The following TNFRSF10A variants were observed in gnomAD, a reference collection of about 807,000 sequenced individuals.
TNFRSF10A encodes TNF receptor superfamily member 10a.
TNFRSF10A carries 44 observed loss-of-function variants against 42.8 expected under a neutral mutation model. The ratio of observed to expected loss-of-function variants is 1.03; its 90% CI spans 0.81 to 1.32. TNFRSF10A has a LOEUF of 1.32. Ranked by LOEUF, TNFRSF10A falls within the 40% of genes most tolerant of loss-of-function variation. The pLI, the probability that TNFRSF10A is intolerant of heterozygous loss-of-function variation, is 0.00. For missense variants in TNFRSF10A, 680 were observed against 602.0 expected (o/e 1.13, Z -1.36); for synonymous variants, 259 against 234.2 (o/e 1.11, Z -0.97).
rs774203881 is a variant in TNFRSF10A, at chr8:23,202,727, G to C, written c.438C>G (p.Asn146Lys). ...TGTAACCCACACCCTCTGTGCACCG[G>C]TTACAGGCTCCAGGATGTTCTGATC... ...SHRSEHPGAC[N>K]RCTEGVGYTN... The change falls in exon 3 of 10, where the codon AAC (asparagine) becomes AAG (lysine). Residue 146 changes from asparagine to lysine, a missense_variant. By Grantham distance (94) the Asn-to-Lys change is moderately conservative (BLOSUM62 0). Transcript: ENST00000221132. 3 of 1,613,976 alleles carry C rather than the reference G, an allele frequency of 1.9e-6. No homozygotes were observed. The highest frequency in any genetic ancestry group is 2.5e-6 in the Non-Finnish European group (3 of 1,179,894).
At chr8:23,197,613 T>C (rs1800844426) in intron 8 of TNFRSF10A, among the ~76,000 whole-genome samples, 3 of 152,200 alleles carry the variant, frequency 2.0e-5, no homozygotes, top group Non-Finnish European at 1.5e-5. Context: ...GTTGTATAAT[T>C]ATTTCATTAT....
At chr8:23,206,828 A>G (rs1221094759) in intron 2 of TNFRSF10A, 1 of 160,950 alleles carries the variant, frequency 6.2e-6, no homozygotes, top group African/African-American at 2.4e-5. Context: ...CTGAATCAAG[A>G]TGAAAGAGAC....
rs1040459967 is a variant in TNFRSF10A, at chr8:23,191,612, T to C, written c.*82A>G. On this transcript the variant is annotated 3_prime_UTR_variant, in exon 10 of 10. Coordinates refer to ENST00000221132, the MANE Select transcript of TNFRSF10A (RefSeq NM_003844.4). ...ACTACACCTGGCTAAGAATTTACTT[T>C]GTATACATGTTAAAAAAAAAAAAAA... 5.5e-6 allele frequency: 8 copies of C among 1,443,810 alleles called. No individual in the cohort carries two copies. Among genetic ancestry groups the C allele is most frequent in the Non-Finnish European group, 7.2e-6 (8 of 1,104,014 alleles). 89.4% of individuals were successfully genotyped at this position (1,443,810 alleles called of 1,614,324 possible). A position where few individuals can be genotyped will look rare whatever the true frequency, so the allele number is the denominator to read the frequency against.
chr8:23,219,094 T>TG (rs1160371583), intron 1 of TNFRSF10A, among the ~76,000 whole-genome samples: 1 of 149,062 alleles, frequency 6.7e-6, no homozygotes, highest in African/African-American at 2.5e-5. Flanking sequence ...TCTCTGGAGG[T>TG]GGGGGGTGGG....
At chr8:23,209,608 T>C (rs1801065415) in intron 2 of TNFRSF10A, among the ~76,000 whole-genome samples, 1 of 152,244 alleles carries the variant, frequency 6.6e-6, no homozygotes, top group African/African-American at 2.4e-5. Flanking sequence ...AGCTTTAAGA[T>C]CTGACTGCCC....
rs373965763 is a variant in TNFRSF10A at position 23,203,781 on chromosome 8, CT to C, written c.404-1021del. On this transcript the variant is annotated intron_variant, in intron 2 of 9. Coordinates refer to ENST00000221132, the MANE Select transcript of TNFRSF10A (RefSeq NM_003844.4). ...GGTTACTACTGAAAAATAATAAAGG[CT>C]TTTTTTTTTTTTTGAGATGGAGTCT... is the stretch of plus-strand genomic sequence containing the variant. Among the ~76,000 whole-genome samples the C allele has an allele frequency of 6.2e-3, 842 of 136,296 alleles. 3 individuals carry two copies. Among genetic ancestry groups the C allele is most frequent in the South Asian group, 0.017 (70 of 4,170 alleles). The allele number at this position is 136,296 out of a possible 152,430, so 89.4% of individuals were successfully genotyped here. A position where few individuals can be genotyped will look rare whatever the true frequency, so the allele number is the denominator to read the frequency against.
At chr8:23,216,741 CAAA>C (rs58685481) in intron 1 of TNFRSF10A, among the ~76,000 whole-genome samples, 2 of 108,636 alleles carry the variant, frequency 1.8e-5, no homozygotes, top group Non-Finnish European at 2.0e-5. Flanking sequence ...GAAGCCAATT[CAAA>C]AAAAAAAAAA....
At chr8:23,203,414 G>A (rs1311352944) in intron 2 of TNFRSF10A, among the ~76,000 whole-genome samples, 1 of 152,200 alleles carries the variant, frequency 6.6e-6, no homozygotes, top group Non-Finnish European at 1.5e-5. Context: ...CCTATACAGA[G>A]TCAAAGAATG....
intron 2 of TNFRSF10A, among the ~76,000 whole-genome samples, chr8:23,203,752 C>G (rs938146466): frequency 6.6e-6 from 1 of 151,582 alleles, no homozygotes; most frequent in Non-Finnish European, 1.5e-5. Flanking sequence ...GCTGGGGCAA[C>G]TAAGGTTACT....
chr8:23,210,464 A>G (rs183318488), intron 2 of TNFRSF10A, among the ~76,000 whole-genome samples: 132 of 152,182 alleles, frequency 8.7e-4, no homozygotes, highest in African/African-American at 3.0e-3. Flanking sequence ...GGCAGATCAC[A>G]AGGTCAGGAG....
At chr8:23,194,281 A>G (rs1465259798) in intron 9 of TNFRSF10A, among the ~76,000 whole-genome samples, 1 of 152,248 alleles carries the variant, frequency 6.6e-6, no homozygotes, top group Non-Finnish European at 1.5e-5. Flanking sequence ...ACTTATAAGT[A>G]AAAGAGTACT....
At chr8:23,200,296 G>A (rs547921276) in intron 6 of TNFRSF10A, among the ~76,000 whole-genome samples, 1 of 152,292 alleles carries the variant, frequency 6.6e-6, no homozygotes, top group South Asian at 2.1e-4. Flanking sequence ...GCTGGGAGAT[G>A]AGGGGACCCC....
chr8:23,202,337 C>G (rs1800942679), intron 3 of TNFRSF10A, among the ~76,000 whole-genome samples: 1 of 152,160 alleles, frequency 6.6e-6, no homozygotes, highest in Non-Finnish European at 1.5e-5. Context: ...GCACACAGCC[C>G]AGGGGGAGCG....
At chr8:23,203,163 G>T (rs1462168483) in intron 2 of TNFRSF10A, among the ~76,000 whole-genome samples, 1 of 152,234 alleles carries the variant, frequency 6.6e-6, no homozygotes, top group Middle Eastern at 3.4e-3. Flanking sequence ...TTCACTCACT[G>T]CACATCTCAA....
At chr8:23,208,957 C>A (rs1273817384) in intron 2 of TNFRSF10A, among the ~76,000 whole-genome samples, 2 of 152,190 alleles carry the variant, frequency 1.3e-5, no homozygotes, top group Non-Finnish European at 2.9e-5. Flanking sequence ...ATCATGGCAG[C>A]CCCTCCCATC....
chr8:23,212,639 C>G (rs1801107133), intron 1 of TNFRSF10A, among the ~76,000 whole-genome samples: 2 of 152,176 alleles, frequency 1.3e-5, no homozygotes, highest in African/African-American at 4.8e-5. Context: ...CACATTTTAG[C>G]TATTGTGAAT....
At chr8:23,204,710 C>T (rs188712940) in intron 2 of TNFRSF10A, among the ~76,000 whole-genome samples, 2 of 152,216 alleles carry the variant, frequency 1.3e-5, no homozygotes, top group East Asian at 3.9e-4. Context: ...ATACACTCTC[C>T]TACCACAATG....
At chr8:23,223,009 C>A (rs898624982) in intron 1 of TNFRSF10A, among the ~76,000 whole-genome samples, 2 of 152,202 alleles carry the variant, frequency 1.3e-5, no homozygotes, top group African/African-American at 2.4e-5. Context: ...GTACAGCCTG[C>A]AGAACCATGT....
Position 23,224,974 on chromosome 8 carries a change from C to G in TNFRSF10A, c.88G>C (p.Ala30Pro). 1.2e-6 allele frequency: 2 copies of G among 1,600,838 alleles called. No individual in the cohort carries two copies. Among genetic ancestry groups the G allele is most frequent in the Non-Finnish European group, 1.7e-6 (2 of 1,173,500 alleles). ...CACACTTTGCTGGGTGTGGCCGCGG[C>G]TGCCTCTGTCCCACTCGCTGCGCTC... ...PGSAASGTEA[A>P]AATPSKVWGS... The change falls in exon 1 of 10, where the codon GCC (alanine) becomes CCC (proline). Residue 30 changes from alanine to proline, a missense_variant. Transcript: ENST00000221132.
Sources: gnomAD v4.1 joint callset for allele counts (sites outside exome capture counted in the v4.1 genomes callset) on GRCh38, gnomAD v4.1.1 for gene constraint, MANE v1.5 for transcripts, NCBI Gene and HGNC (gene_info 2026-07-23, HGNC 2026-07-21) for gene names.